LPAR6: variants seen among roughly 807,000 people sequenced by gnomAD.
The protein encoded by LPAR6 is G-protein coupled purinergic receptor P2Y5.
LPAR6 carries 17 observed loss-of-function variants against 22.0 expected under a neutral mutation model. That is an observed-to-expected ratio of 0.77 (90% CI 0.53 to 1.16). The LOEUF is 1.16. LPAR6 is among the 50% of genes most tolerant of loss of function. LPAR6 has a pLI of 0.00. For synonymous variants in LPAR6, 136 were observed against 139.8 expected, an observed-to-expected ratio of 0.97 and a Z score of 0.19; for missense variants, 384 against 406.9, an observed-to-expected ratio of 0.94 and a Z score of 0.48.
At chr13:48,441,248 C>T (rs1327221282) in intron 1 of LPAR6, among the ~76,000 whole-genome samples, 1 of 152,206 alleles carries the variant, frequency 6.6e-6, no homozygotes, top group East Asian at 1.9e-4. Context: ...AGGCAGCTCT[C>T]TGGGGTCCCT....
chr13:48,420,889 CACAA>C (rs534967615), intron 2 of LPAR6, among the ~76,000 whole-genome samples: 1 of 152,070 alleles, frequency 6.6e-6, no homozygotes, highest in Non-Finnish European at 1.5e-5. Flanking sequence ...ATAAAGAGGA[CACAA>C]ACAAATGGAA....
chr13:48,406,927 C>G (rs575751649), downstream of LPAR6, among the ~76,000 whole-genome samples: 1 of 152,236 alleles, frequency 6.6e-6, no homozygotes, highest in African/African-American at 2.4e-5. Flanking sequence ...GGTTCTTACC[C>G]TGGCGCTACA....
At chr13:48,401,908 A>T (rs1210549345) in intron 1 of LPAR6, among the ~76,000 whole-genome samples, 2 of 152,138 alleles carry the variant, frequency 1.3e-5, no homozygotes, top group African/African-American at 4.8e-5. Flanking sequence ...GACTAACATA[A>T]ATCTGTCTTG....
chr13:48,411,777 G>T lies in LPAR6; in HGVS notation c.647C>A (p.Thr216Lys). The T allele has an allele frequency of 6.2e-7, 1 of 1,611,448 alleles. No individual in the cohort carries two copies. Among genetic ancestry groups the T allele is most frequent in the Non-Finnish European group, 8.5e-7 (1 of 1,177,830 alleles). The change falls in exon 1 of 1, where the codon ACA (threonine) becomes AAA (lysine). Residue 216 changes from threonine (T) to lysine (K), a missense_variant. Transcript: ENST00000620633. ...TTTGTTTATTTTGCTTCTACTTAAT[G>T]TAACAGGTTTGGTTAAAGTTTTTAG... ...MVLKTLTKPV[T>K]LSRSKINKTK...
chr13:48,399,236 C>T (rs1472779447), intron 1 of LPAR6, among the ~76,000 whole-genome samples: 2 of 151,932 alleles, frequency 1.3e-5, no homozygotes, highest in Non-Finnish European at 2.9e-5. Context: ...TTGTTTTACT[C>T]TTTCTCTGTT....
chr13:48,397,797 T>G (rs1269604733), intron 1 of LPAR6, among the ~76,000 whole-genome samples: 1 of 152,190 alleles, frequency 6.6e-6, no homozygotes, highest in Non-Finnish European at 1.5e-5. Flanking sequence ...TTTAAGCTTT[T>G]TTGGTATTCT....
At chr13:48,397,718 G>A (rs1192042353) in intron 1 of LPAR6, among the ~76,000 whole-genome samples, 1 of 152,220 alleles carries the variant, frequency 6.6e-6, no homozygotes, top group East Asian at 1.9e-4. Context: ...TTTTATGTAT[G>A]AGTATAATTT....
intron 1 of LPAR6, among the ~76,000 whole-genome samples, chr13:48,424,742 C>T (rs901877201): frequency 3.3e-5 from 5 of 152,066 alleles, no homozygotes; most frequent in African/African-American, 9.7e-5. Context: ...AAGACATATA[C>T]GTGCAATTCA....
chr13:48,419,405 A>G (rs1221792289), intron 2 of LPAR6, among the ~76,000 whole-genome samples: 1 of 152,248 alleles, frequency 6.6e-6, no homozygotes, highest in Non-Finnish European at 1.5e-5. Flanking sequence ...AGGGAAGTTT[A>G]TAGCACTAAA....
chr13:48,415,483 TG>T (rs1948893639), upstream of LPAR6, among the ~76,000 whole-genome samples: 2 of 152,100 alleles, frequency 1.3e-5, no homozygotes, highest in African/African-American at 4.8e-5. Context: ...TTTTACCATG[TG>T]GCCAGGCTGG....
In LPAR6 at chr13:48,411,503, CCAGTT is replaced by C; in HGVS notation, c.916_920del (p.Asn306ValfsTer6). 1 of 1,612,596 alleles carries C rather than the reference CCAGTT, an allele frequency of 6.2e-7. No homozygotes were observed. Among genetic ancestry groups the C allele is most frequent in the Non-Finnish European group, 8.5e-7 (1 of 1,179,210 alleles). ...ATCTGAAGTCACTTCTCCTGACAGA[CCAGTT>C]TTTCATTTTTATTGAATTCTGAATT... On this transcript the variant is annotated frameshift_variant, in exon 1 of 1. Coordinates refer to ENST00000620633, the MANE Select transcript of LPAR6 (RefSeq NM_001162498.3). LOFTEE classifies it high-confidence loss of function.
At chr13:48,394,046 G>A (rs1948629945) in intron 1 of LPAR6, among the ~76,000 whole-genome samples, 1 of 152,158 alleles carries the variant, frequency 6.6e-6, no homozygotes, top group South Asian at 2.1e-4. Flanking sequence ...TTCCAACTGA[G>A]GTACCTGGCT....
intron 1 of LPAR6, among the ~76,000 whole-genome samples, chr13:48,396,191 C>A (rs1326584448): frequency 6.6e-6 from 1 of 152,108 alleles, no homozygotes; most frequent in Non-Finnish European, 1.5e-5. Flanking sequence ...ATAGCCGAGA[C>A]AATCTTAAGC....
In LPAR6 at chr13:48,411,338, C is replaced by A. The variant is rs375478050; in HGVS notation, c.*51G>T. The stretch of plus-strand genomic sequence containing the variant: ...AGTTTGTCCAAAAAGACACTTTTCA[C>A]AGTTGAAGGAACTTGAAAGTTCTGT... On this transcript the variant is annotated 3_prime_UTR_variant, in exon 1 of 1. Transcript: ENST00000620633. The A allele has an allele frequency of 6.2e-5, 88 of 1,416,832 alleles. 1 individual carries two copies. The African/African-American group carries it at 1.2e-3, about 20-fold the overall frequency. The allele number at this position is 1,416,832 out of a possible 1,614,324, so 87.8% of individuals were successfully genotyped here.
intron 1 of LPAR6, among the ~76,000 whole-genome samples, chr13:48,399,303 T>C (rs2138177156): frequency 1.3e-5 from 2 of 152,032 alleles, no homozygotes; most frequent in East Asian, 3.9e-4. Context: ...TGCAAAAATG[T>C]AACGACAAAG....
chr13:48,411,527 C>G lies in LPAR6; in HGVS notation c.897G>C (p.Gln299His), dbSNP rs754798982. 1 of 1,613,288 alleles carries G rather than the reference C, an allele frequency of 6.2e-7. No individual in the cohort carries two copies. The highest frequency in any genetic ancestry group is 8.5e-7 in the Non-Finnish European group (1 of 1,179,694). The change falls in exon 1 of 1, where the codon CAG becomes CAC. Residue 299 changes from glutamine (Q) to histidine (H), a missense_variant. Physicochemically the swap from Gln to His is conservative, Grantham distance 24. Transcript: ENST00000620633. The stretch of plus-strand genomic sequence containing the variant: ...ACCAGTTTTTCATTTTTATTGAATT[C>G]TGAATTGTGTCCGATGTAAAGTAGT... ...IVYYFTSDTI[Q>H]NSIKMKNWSV...
intron 2 of LPAR6, among the ~76,000 whole-genome samples, chr13:48,419,873 T>G (rs1038631433): frequency 2.0e-5 from 3 of 152,022 alleles, no homozygotes; most frequent in Non-Finnish European, 4.4e-5. Context: ...CAATAACAAG[T>G]TCTGAAATTG....
intron 1 of LPAR6, among the ~76,000 whole-genome samples, chr13:48,438,614 A>C (rs1449998925): frequency 6.6e-6 from 1 of 152,098 alleles, no homozygotes; most frequent in Non-Finnish European, 1.5e-5. Context: ...AAGGCTCTGA[A>C]ATCAAACAGT....
intron 1 of LPAR6, among the ~76,000 whole-genome samples, chr13:48,397,467 G>A (rs1948657442): frequency 6.6e-6 from 1 of 152,124 alleles, no homozygotes; most frequent in Admixed American, 6.6e-5. Context: ...CACATGGAGG[G>A]GAACATCACA....
Sources: allele counts gnomAD v4.1 joint callset (sites outside exome capture counted in the v4.1 genomes callset), GRCh38; gene constraint gnomAD v4.1.1; transcripts MANE v1.5; gene names NCBI Gene and HGNC (gene_info 2026-07-23, HGNC 2026-07-21).